The following LRPPRC variants were observed in gnomAD, a reference collection of about 807,000 sequenced individuals.
LRPPRC encodes the protein leucine rich pentatricopeptide repeat containing.
A neutral mutation model predicts 180.3 loss-of-function variants in LRPPRC; 120 were observed. That is an observed-to-expected ratio of 0.67 (90% CI 0.57 to 0.77). The LOEUF (loss-of-function observed/expected upper bound fraction) is 0.77. Ranked by LOEUF, LRPPRC falls within the 30% of genes least tolerant of loss-of-function variation. LRPPRC has a pLI of 0.00. For missense variants in LRPPRC, 2,012 were observed against 1,657.2 expected, an observed-to-expected ratio of 1.21 and a Z score of -3.72; for synonymous variants, 723 against 600.0, an observed-to-expected ratio of 1.21 and a Z score of -3.00.
chr2:43,905,924 T>G (rs1671053098), intron 30 of LRPPRC, 144 bp from the exon 31 acceptor site: 1 of 698,524 alleles, frequency 1.4e-6, no homozygotes, highest in Non-Finnish European at 2.6e-6. Flanking sequence ...AGACAGCTTT[T>G]GTGTTATCCT....
upstream of LRPPRC, chr2:43,996,098 A>C: frequency 1.5e-6 from 1 of 651,096 alleles, no homozygotes; most frequent in Non-Finnish European, 2.6e-6. Flanking sequence ...AAGATGGAAA[A>C]CCGCACTTCT....
chr2:43,955,352 T>G (rs1042998951), intron 14 of LRPPRC, among the ~76,000 whole-genome samples: 2 of 151,660 alleles, frequency 1.3e-5, no homozygotes, highest in Admixed American at 6.6e-5. Context: ...ACCTGTAGTC[T>G]TGGCTAAATG....
At chr2:43,966,380 T>A (rs1340696476) in intron 11 of LRPPRC, among the ~76,000 whole-genome samples, 1 of 152,024 alleles carries the variant, frequency 6.6e-6, no homozygotes, top group East Asian at 1.9e-4. Flanking sequence ...TGATATTTGC[T>A]GAGAGAGTTG....
intron 1 of LRPPRC, among the ~76,000 whole-genome samples, chr2:43,983,687 T>C (rs1042926704): frequency 2.0e-5 from 3 of 152,302 alleles, no homozygotes; most frequent in African/African-American, 7.2e-5. Context: ...GACGTACACA[T>C]TTTCATCACA....
chr2:43,916,012 A>C (rs1334026394), intron 29 of LRPPRC, among the ~76,000 whole-genome samples: 1 of 152,122 alleles, frequency 6.6e-6, no homozygotes, highest in African/African-American at 2.4e-5. Flanking sequence ...TGATCTGCCC[A>C]CCTTGGCCTC....
chr2:43,915,807 G>A (rs1300381326), intron 29 of LRPPRC, among the ~76,000 whole-genome samples: 1 of 151,878 alleles, frequency 6.6e-6, no homozygotes, highest in Non-Finnish European at 1.5e-5. Flanking sequence ...TTTGAGATAG[G>A]GTCTCACTCA....
In LRPPRC at chr2:43,918,083, G is replaced by C; in HGVS notation, c.3090C>G (p.Thr1030=). 1 of 1,612,880 alleles carries C rather than the reference G, an allele frequency of 6.2e-7. No individual in the cohort carries two copies. The highest frequency in any genetic ancestry group is 8.5e-7 in the Non-Finnish European group (1 of 1,179,754). ...TATCTTTCTGGAAATCAGGTTCTGT[G>C]GTTGAGGCTGACGAAGAATTCAGGG... ...KHSLNSSSAS[T]TEPDFQKDIL... The change falls in exon 29 of 38, where the codon ACC becomes ACG. Residue 1030 remains threonine (T), a synonymous_variant. Coordinates refer to ENST00000260665, the MANE Select transcript of LRPPRC (RefSeq NM_133259.4).
intron 12 of LRPPRC, among the ~76,000 whole-genome samples, chr2:43,963,232 G>A (rs1452337352): frequency 1.3e-5 from 2 of 152,124 alleles, no homozygotes; most frequent in Non-Finnish European, 2.9e-5. Flanking sequence ...ATCACCTGAG[G>A]TCGGGAGTTT....
At chr2:43,959,317 A>G (rs1673244605) in intron 13 of LRPPRC, 1 of 661,822 alleles carries the variant, frequency 1.5e-6, no homozygotes, top group East Asian at 2.8e-5. Flanking sequence ...AACAGTCACC[A>G]TTTTTCATAC....
At chr2:43,973,354 T>C (rs181964156) in intron 11 of LRPPRC, among the ~76,000 whole-genome samples, 88 of 152,206 alleles carry the variant, frequency 5.8e-4, no homozygotes, top group Non-Finnish European at 9.9e-4. Flanking sequence ...AAAAACTACG[T>C]TCATTAAGTT....
chr2:43,930,421 G>A (rs1672047007), intron 25 of LRPPRC, among the ~76,000 whole-genome samples: 1 of 152,110 alleles, frequency 6.6e-6, no homozygotes, highest in Admixed American at 6.5e-5. Flanking sequence ...TATCCAAAAC[G>A]CTTGGGACCA....
intron 18 of LRPPRC, 74 bp downstream of exon 18, chr2:43,948,048 T>C (rs1672757056): frequency 9.3e-7 from 1 of 1,071,760 alleles, no homozygotes; most frequent in African/African-American, 1.6e-5. Flanking sequence ...AAGCATCATA[T>C]TTAAATAAAA....
chr2:43,894,971 G>A (rs1239924011), intron 35 of LRPPRC, among the ~76,000 whole-genome samples: 5 of 152,068 alleles, frequency 3.3e-5, no homozygotes, highest in Non-Finnish European at 7.4e-5. Context: ...CTATCTTTAG[G>A]TGCCACAACT....
At chr2:43,971,569 A>G (rs1033102377) in intron 11 of LRPPRC, among the ~76,000 whole-genome samples, 2 of 149,772 alleles carry the variant, frequency 1.3e-5, no homozygotes, top group Non-Finnish European at 3.0e-5. Flanking sequence ...CCTATTGTTG[A>G]AAACTCTTGG....
intron 29 of LRPPRC, among the ~76,000 whole-genome samples, chr2:43,913,830 C>T (rs1017988590): frequency 3.3e-5 from 5 of 152,206 alleles, no homozygotes; most frequent in Middle Eastern, 3.4e-3. Flanking sequence ...AATAAAAACA[C>T]GCTAATATGC....
intron 23 of LRPPRC, among the ~76,000 whole-genome samples, chr2:43,937,233 G>C (rs980885750): frequency 3.3e-5 from 5 of 152,064 alleles, no homozygotes; most frequent in Admixed American, 3.3e-4. Flanking sequence ...TGGCAAAATG[G>C]AAATAATTCA....
chr2:43,926,280 T>A (rs968429137), intron 25 of LRPPRC, among the ~76,000 whole-genome samples: 1 of 152,190 alleles, frequency 6.6e-6, no homozygotes, highest in Non-Finnish European at 1.5e-5. Context: ...GTTCATTCCA[T>A]AAATCTTTAA....
At chr2:43,971,965 C>A (rs1673835247) in intron 11 of LRPPRC, among the ~76,000 whole-genome samples, 1 of 150,482 alleles carries the variant, frequency 6.6e-6, no homozygotes, top group Non-Finnish European at 1.5e-5. Context: ...TCAGACAAAA[C>A]CTTCATCGAT....
At chr2:43,928,953 C>A (rs1337199539) in intron 25 of LRPPRC, among the ~76,000 whole-genome samples, 1 of 151,962 alleles carries the variant, frequency 6.6e-6, no homozygotes, top group Non-Finnish European at 1.5e-5. Context: ...AGCAAATAGT[C>A]GATTAACACA....
Sources: gnomAD v4.1 joint callset for allele counts (sites outside exome capture counted in the v4.1 genomes callset) on GRCh38, gnomAD v4.1.1 for gene constraint, MANE v1.5 for transcripts, NCBI Gene and HGNC (gene_info 2026-07-23, HGNC 2026-07-21) for gene names.